SLC2A14: variants seen among roughly 807,000 people sequenced by gnomAD.
The protein encoded by SLC2A14 is solute carrier family 2 member 14, also known as solute carrier family 2, facilitated glucose transporter member 14.
In SLC2A14, 13 loss-of-function variants were observed where a neutral mutation model predicts 43.0. The ratio of observed to expected loss-of-function variants is 0.30; its 90% CI spans 0.20 to 0.48. SLC2A14 has a LOEUF of 0.48. Ranked by LOEUF, SLC2A14 falls within the 20% of genes least tolerant of loss-of-function variation. The pLI is 0.99. For synonymous variants in SLC2A14, 190 were observed against 233.8 expected (o/e 0.81, Z 1.71); for missense variants, 428 against 620.4 (o/e 0.69, Z 3.29).
upstream of SLC2A14, among the ~76,000 whole-genome samples, chr12:7,876,696 C>T (rs767704904): frequency 2.0e-5 from 3 of 152,006 alleles, no homozygotes; most frequent in South Asian, 2.1e-4. Context: ...ACAATCTAAA[C>T]GTCTGTGGAG....
chr12:7,838,399 A>T (rs1202377074), intron 2 of SLC2A14, among the ~76,000 whole-genome samples: 2 of 151,826 alleles, frequency 1.3e-5, no homozygotes, highest in African/African-American at 4.8e-5. Flanking sequence ...AATTTTTTTT[A>T]AAAAATGGAA....
intron 2 of SLC2A14, among the ~76,000 whole-genome samples, chr12:7,862,906 G>A (rs1944665220): frequency 6.6e-6 from 1 of 152,016 alleles, no homozygotes; most frequent in African/African-American, 2.4e-5. Context: ...CTCAGGGATT[G>A]TAAACGCACC....
chr12:7,879,714 A>G (rs963227054), intron 1 of SLC2A14, among the ~76,000 whole-genome samples: 4 of 151,720 alleles, frequency 2.6e-5, no homozygotes, highest in African/African-American at 9.7e-5. Context: ...TATAACAACA[A>G]GTTTTTTAGG....
intron 1 of SLC2A14, chr12:7,871,233 G>C: frequency 1.6e-6 from 2 of 1,232,584 alleles, no homozygotes; most frequent in Non-Finnish European, 2.1e-6. Context: ...TCCAGGAGCT[G>C]CTCACCACCA....
Position 7,861,308 on chromosome 12 carries a change from C to T in SLC2A14, c.18+8555G>A, listed in dbSNP as rs972317123. Among the ~76,000 whole-genome samples the T allele has an allele frequency of 5.1e-4, 78 of 152,184 alleles. 1 individual carries two copies. The highest frequency in any genetic ancestry group is 9.0e-4 in the Non-Finnish European group (61 of 67,996). ...AATTTTCAAAAACTATGTATTTCCCCTACACATTTTTAAGTTGACATCTAA... is the reference window on the plus strand; with the variant it reads ...AATTTTCAAAAACTATGTATTTCCCTTACACATTTTTAAGTTGACATCTAA... On this transcript the variant is annotated intron_variant, in intron 2 of 10. Transcript: ENST00000431042.
At chr12:7,814,772 T>G (rs1231091318) in intron 10 of SLC2A14, among the ~76,000 whole-genome samples, 2 of 152,098 alleles carry the variant, frequency 1.3e-5, no homozygotes, top group Non-Finnish European at 2.9e-5. Context: ...AAATGTCTAC[T>G]GAGTATTTTT....
chr12:7,851,297 C>A (rs1866922306), intron 2 of SLC2A14, among the ~76,000 whole-genome samples: 1 of 152,108 alleles, frequency 6.6e-6, no homozygotes, highest in Non-Finnish European at 1.5e-5. Flanking sequence ...AAATACACAG[C>A]CCTAACAAAT....
intron 2 of SLC2A14, among the ~76,000 whole-genome samples, chr12:7,866,239 A>AG (rs1565571974): frequency 1.3e-5 from 2 of 151,410 alleles, no homozygotes; most frequent in African/African-American, 4.8e-5. Context: ...AAAAAAAAAA[A>AG]AAAGAAAAGA....
intron 1 of SLC2A14, among the ~76,000 whole-genome samples, chr12:7,886,047 C>A (rs1045864408): frequency 4.7e-5 from 7 of 148,824 alleles, no homozygotes; most frequent in African/African-American, 1.7e-4. Context: ...TGCAGTGGTG[C>A]GATCTCAGCT....
chr12:7,871,041 GA>G, intron 1 of SLC2A14: 1 of 1,423,276 alleles, frequency 7.0e-7, no homozygotes. Flanking sequence ...CTTCACCGCG[GA>G]AGAACCCCAT....
rs763892160 is a variant in SLC2A14, at chr12:7,828,706, C to T, written c.674G>A (p.Arg225Gln). Reference sequence around the variant, plus strand: ...ACTAAAGAGTGAAAGATACTCACTCCGCGTAGCATTCTCCTCTTTTTTTCT... The same window carrying T: ...ACTAAAGAGTGAAAGATACTCACTCTGCGTAGCATTCTCCTCTTTTTTTCT... ...INRKKEENATRILQRLWGTQD... is the reference protein window; with the variant it reads ...INRKKEENATQILQRLWGTQD... Residue 225 changes from arginine to glutamine, a missense_variant and splice_region_variant, in exon 6 of 11, where the codon CGG becomes CAG. Transcript: ENST00000431042. The T allele has an allele frequency of 9.3e-6, 15 of 1,613,788 alleles. No individual in the cohort carries two copies. Among genetic ancestry groups the T allele is most frequent in the Middle Eastern group, 3.3e-4 (2 of 6,084 alleles).
intron 1 of SLC2A14, among the ~76,000 whole-genome samples, chr12:7,879,706 TAAC>T (rs1016166475): frequency 1.3e-5 from 2 of 151,068 alleles, no homozygotes; most frequent in African/African-American, 4.9e-5. Flanking sequence ...AAAAAAAATA[TAAC>T]AACAAGTTTT....
chr12:7,829,225 A>T (rs1864783252), intron 5 of SLC2A14, among the ~76,000 whole-genome samples: 2 of 152,108 alleles, frequency 1.3e-5, no homozygotes, highest in South Asian at 4.1e-4. Context: ...AACAAAACAA[A>T]ACAAAAGTTC....
exon 1 of SLC2A14, chr12:7,891,129 G>A: frequency 1.3e-6 from 2 of 1,532,428 alleles, no homozygotes; most frequent in Non-Finnish European, 1.7e-6. Context: ...TCTTTGCATT[G>A]TGAACAAAAG....
chr12:7,826,476 C>A (rs1293196073), intron 7 of SLC2A14, among the ~76,000 whole-genome samples: 1 of 152,050 alleles, frequency 6.6e-6, no homozygotes, highest in African/African-American at 2.4e-5. Flanking sequence ...TTAAAATGCT[C>A]AAAATACTAA....
At chr12:7,823,862 T>C (rs1864133785) in intron 7 of SLC2A14, among the ~76,000 whole-genome samples, 1 of 152,234 alleles carries the variant, frequency 6.6e-6, no homozygotes, top group Non-Finnish European at 1.5e-5. Flanking sequence ...GTCTTTTTGA[T>C]AATATGGACC....
At chr12:7,864,796 C>G (rs1453827204) in intron 2 of SLC2A14, among the ~76,000 whole-genome samples, 2 of 152,162 alleles carry the variant, frequency 1.3e-5, no homozygotes, top group African/African-American at 4.8e-5. Context: ...CAAAAAGAGT[C>G]AGCCGACCCA....
upstream of SLC2A14, among the ~76,000 whole-genome samples, chr12:7,877,363 C>T (rs150881910): frequency 2.7e-4 from 41 of 152,206 alleles, 1 homozygote; most frequent in African/African-American, 9.6e-4. Context: ...GGCTGGAGTG[C>T]AGCAGCATGA....
intron 1 of SLC2A14, chr12:7,871,293 A>C: frequency 8.9e-7 from 1 of 1,120,530 alleles, no homozygotes; most frequent in Non-Finnish European, 1.1e-6. Context: ...ACTGGGAGGC[A>C]CCCATTGATA....
Sources: gnomAD v4.1 joint callset for allele counts (sites outside exome capture counted in the v4.1 genomes callset) on GRCh38, gnomAD v4.1.1 for gene constraint, MANE v1.5 for transcripts, NCBI Gene and HGNC (gene_info 2026-07-23, HGNC 2026-07-21) for gene names.